The following HEXB variants were observed in gnomAD, a reference collection of about 807,000 sequenced individuals.
HEXB encodes hexosaminidase subunit beta.
A neutral mutation model predicts 71.2 loss-of-function variants in HEXB; 51 were observed. The observed-to-expected ratio is 0.72, with a 90% CI of 0.57 to 0.90. The LOEUF is 0.90. Among genes scored for constraint, HEXB ranks in the 40% least tolerant of loss-of-function variants. HEXB has a pLI of 0.00. For synonymous variants in HEXB, 266 were observed against 249.3 expected (o/e 1.07, Z -0.63); for missense variants, 617 against 677.0 (o/e 0.91, Z 0.98).
In HEXB at chr5:74,692,744, A is replaced by G. The variant is rs578138434; in HGVS notation, c.446-895A>G. ...AAGGTGATAAACCACCCCAGAGGAC[A>G]CAGTATTAAATCATTAATCTCCAGC... On this transcript the variant is annotated intron_variant, in intron 2 of 13. Coordinates refer to ENST00000261416, the MANE Select transcript of HEXB (RefSeq NM_000521.4). 2.9e-3 allele frequency among the ~76,000 whole-genome samples: 448 copies of G among 152,340 alleles called. 1 individual carries two copies. The highest frequency in any genetic ancestry group is 4.7e-3 in the Non-Finnish European group (322 of 68,030).
rs1749360963 is a variant in HEXB at position 74,705,334 on chromosome 5, A to G, written c.771+14A>G. ...TTAAGCAATAAAGTGAGTAAATTGT[A>G]TTGTACTCTGTCTACAAAAACATTG... On this transcript the variant is annotated intron_variant, in intron 6 of 13. Transcript: ENST00000261416. 7.5e-7 allele frequency: 1 copy of G among 1,336,078 alleles called. No homozygotes were observed. The highest frequency in any genetic ancestry group is 1.4e-5 in the African/African-American group (1 of 69,618). The allele number at this position is 1,336,078 out of a possible 1,614,324, so 82.8% of individuals were successfully genotyped here. A position where few individuals can be genotyped will look rare whatever the true frequency, so the allele number is the denominator to read the frequency against.
At chr5:74,716,829 G>C in intron 9 of HEXB, 156 bp downstream of exon 9, 2 of 552,012 alleles carry the variant, frequency 3.6e-6, no homozygotes, top group South Asian at 4.1e-5. Flanking sequence ...CTTTAAATCA[G>C]TAACATGGTG....
intron 3 of HEXB, among the ~76,000 whole-genome samples, chr5:74,695,846 A>AG (rs997944326): frequency 4.6e-5 from 7 of 151,666 alleles, no homozygotes; most frequent in African/African-American, 1.7e-4. Flanking sequence ...GTCTAAAAAA[A>AG]AAAAAAAAAA....
At chr5:74,651,532 A>G (rs927507644) in intron 1 of HEXB, among the ~76,000 whole-genome samples, 3 of 152,204 alleles carry the variant, frequency 2.0e-5, no homozygotes, top group Non-Finnish European at 4.4e-5. Flanking sequence ...GGCTATCTAG[A>G]AAGCTTCATT....
intron 3 of HEXB, among the ~76,000 whole-genome samples, chr5:74,695,179 C>A (rs1749084559): frequency 6.7e-6 from 1 of 148,976 alleles, no homozygotes; most frequent in South Asian, 2.1e-4. Context: ...GTCTCATCTG[C>A]GTCTGCTAAG....
At chr5:74,657,721 T>C (rs1748247080) in intron 1 of HEXB, among the ~76,000 whole-genome samples, 1 of 152,250 alleles carries the variant, frequency 6.6e-6, no homozygotes, top group African/African-American at 2.4e-5. Context: ...TTTGAACACT[T>C]GACGCTTGTT....
chr5:74,655,016 T>G (rs1342719247), intron 1 of HEXB, among the ~76,000 whole-genome samples: 1 of 151,944 alleles, frequency 6.6e-6, no homozygotes, highest in Non-Finnish European at 1.5e-5. Context: ...CGGATCTGGA[T>G]CCCACAGGCA....
intron 9 of HEXB, among the ~76,000 whole-genome samples, chr5:74,717,956 A>G (rs1749716789): frequency 6.6e-6 from 1 of 152,216 alleles, no homozygotes. Flanking sequence ...ATTTTAAGAC[A>G]GCCATAAAAT....
chr5:74,709,823 A>C (rs1049537560), intron 6 of HEXB, among the ~76,000 whole-genome samples: 1 of 152,214 alleles, frequency 6.6e-6, no homozygotes, highest in Non-Finnish European at 1.5e-5. Flanking sequence ...AGAGTCCAGG[A>C]CCAGATGGAT....
intron 6 of HEXB, among the ~76,000 whole-genome samples, chr5:74,706,377 C>T (rs1323055180): frequency 5.9e-5 from 9 of 152,282 alleles, no homozygotes; most frequent in East Asian, 1.9e-4. Flanking sequence ...ACACAGAAGA[C>T]GGGTGATTTC....
intron 6 of HEXB, among the ~76,000 whole-genome samples, chr5:74,710,685 T>C (rs1020326541): frequency 2.6e-5 from 4 of 151,862 alleles, no homozygotes; most frequent in East Asian, 1.9e-4. Flanking sequence ...CCATTCACAA[T>C]TGCTTCAAAG....
intron 1 of HEXB, among the ~76,000 whole-genome samples, chr5:74,671,940 C>A (rs1446630594): frequency 1.3e-5 from 2 of 152,186 alleles, no homozygotes; most frequent in African/African-American, 4.8e-5. Flanking sequence ...ACATGGAGAC[C>A]GGCGCCTTGG....
At chr5:74,699,700 A>G (rs571516863) in intron 5 of HEXB, among the ~76,000 whole-genome samples, 15 of 152,184 alleles carry the variant, frequency 9.9e-5, no homozygotes, top group Non-Finnish European at 2.1e-4. Flanking sequence ...TGTACACTTG[A>G]TAAGATTATT....
At chr5:74,648,648 C>A (rs761772523) in intron 1 of HEXB, among the ~76,000 whole-genome samples, 1 of 152,182 alleles carries the variant, frequency 6.6e-6, no homozygotes, top group African/African-American at 2.4e-5. Flanking sequence ...AACAGGAACA[C>A]CTAGGTACAT....
chr5:74,716,664 A>G lies in HEXB; in HGVS notation c.1160A>G (p.Tyr387Cys). 1 of 1,593,480 alleles carries G rather than the reference A, an allele frequency of 6.3e-7. No homozygotes were observed. The highest frequency in any genetic ancestry group is 8.6e-7 in the Non-Finnish European group (1 of 1,163,744). ...GATTTTAAGAAACTAGAATCTTTCT[A>G]CATTCAAAAGTAAGTTGTTTGAAAG... ...GTDFKKLESF[Y>C]IQKVLDIIAT... The change falls in exon 9 of 14, where the codon TAC (tyrosine) becomes TGC (cysteine). Residue 387 changes from tyrosine (Y) to cysteine (C), a missense_variant. Coordinates refer to ENST00000261416, the MANE Select transcript of HEXB (RefSeq NM_000521.4).
In HEXB at chr5:74,661,905, T is replaced by C. The variant is rs78250591; in HGVS notation, c.-377+21347T>C. Reference sequence around the variant, plus strand: ...GAGTCTTGAGCAGCCTGGCCACATATAGCCAAATACCAAGTGCTTCCTGGT... The same window carrying C: ...GAGTCTTGAGCAGCCTGGCCACATACAGCCAAATACCAAGTGCTTCCTGGT... On this transcript the variant is annotated intron_variant, in intron 1 of 13. Transcript: ENST00000511181. Among the ~76,000 whole-genome samples the C allele has an allele frequency of 9.5e-3, 1,442 of 152,346 alleles. 24 individuals are homozygous for C. Among genetic ancestry groups the C allele is most frequent in the African/African-American group, 0.031 (1,279 of 41,576 alleles).
upstream of HEXB, chr5:74,685,232 C>A: frequency 6.7e-7 from 1 of 1,484,828 alleles, no homozygotes; most frequent in Non-Finnish European, 8.9e-7. Flanking sequence ...TCCGGCTCGG[C>A]AGACCGGGCG....
In HEXB at chr5:74,693,697, A is replaced by G. The variant is rs993517054; in HGVS notation, c.504A>G (p.Ala168=). 1 of 1,611,126 alleles carries G rather than the reference A, an allele frequency of 6.2e-7. No homozygotes were observed. The highest frequency in any genetic ancestry group is 8.5e-7 in the Non-Finnish European group (1 of 1,177,248). Residue 168 remains alanine, a synonymous_variant, in exon 3 of 14, where the codon GCA becomes GCG. Coordinates refer to ENST00000261416, the MANE Select transcript of HEXB (RefSeq NM_000521.4). ...AVLKANRVWG[A]LRGLETFSQL... Reference sequence around the variant, plus strand: ...TTAAGGCCAACAGAGTTTGGGGAGCATTACGAGGTAAGTTCCATGCAGTTT... The same window carrying G: ...TTAAGGCCAACAGAGTTTGGGGAGCGTTACGAGGTAAGTTCCATGCAGTTT...
At chr5:74,720,286 C>A in intron 11 of HEXB, 142 bp from the exon 12 acceptor site, 1 of 707,426 alleles carries the variant, frequency 1.4e-6, no homozygotes, top group Non-Finnish European at 2.6e-6. Flanking sequence ...GTGCCACAAC[C>A]ATTAGCATCT....
Sources: gnomAD v4.1 joint callset for allele counts (sites outside exome capture counted in the v4.1 genomes callset) on GRCh38, gnomAD v4.1.1 for gene constraint, MANE v1.5 for transcripts, NCBI Gene and HGNC (gene_info 2026-07-23, HGNC 2026-07-21) for gene names.